Variants in HDAC9 observed in about 807,000 individuals in gnomAD.
HDAC9 encodes the protein MEF-2 interacting transcription repressor (MITR) protein.
HDAC9 carries 41 observed loss-of-function variants against 139.4 expected under a neutral mutation model. The ratio of observed to expected loss-of-function variants is 0.29; its 90% CI spans 0.23 to 0.38. The LOEUF (loss-of-function observed/expected upper bound fraction) is 0.38. HDAC9 is among the 10% of genes least tolerant of loss of function. The pLI, the probability that HDAC9 is intolerant of heterozygous loss-of-function variation, is 1.00. For missense variants in HDAC9, 1,147 were observed against 1,297.0 expected, an observed-to-expected ratio of 0.88 and a Z score of 1.78; for synonymous variants, 517 against 476.2, an observed-to-expected ratio of 1.09 and a Z score of -1.12.
chr7:18,907,135 C>G (rs569743984), intron 22 of HDAC9: 1 of 152,126 alleles, frequency 6.6e-6, no homozygotes. Context: ...CAAATGATCT[C>G]GAGGGTAGGA....
At chr7:18,508,290 T>C (rs1392871502) in intron 2 of HDAC9, among the ~76,000 whole-genome samples, 1 of 152,158 alleles carries the variant, frequency 6.6e-6, no homozygotes, top group African/African-American at 2.4e-5. Context: ...GGTATCTTTC[T>C]AAAAAAAGTA....
chr7:18,928,009 A>G (rs958097122), intron 22 of HDAC9, among the ~76,000 whole-genome samples: 1 of 152,222 alleles, frequency 6.6e-6, no homozygotes, highest in Non-Finnish European at 1.5e-5. Flanking sequence ...TGACTTATCC[A>G]ATAGATCACA....
chr7:18,898,774 C>A (rs1172240273), intron 22 of HDAC9, among the ~76,000 whole-genome samples: 2 of 151,792 alleles, frequency 1.3e-5, no homozygotes, highest in Admixed American at 1.3e-4. Context: ...ATTGGTGTGA[C>A]AAGGAAGACT....
chr7:18,308,817 C>T (rs1307091183), intron 1 of HDAC9, among the ~76,000 whole-genome samples: 1 of 152,194 alleles, frequency 6.6e-6, no homozygotes, highest in South Asian at 2.1e-4. Context: ...TCTGGGGATT[C>T]GTATGAGTTT....
intron 2 of HDAC9, among the ~76,000 whole-genome samples, chr7:18,543,982 A>G (rs2128628756): frequency 1.3e-5 from 2 of 152,296 alleles, no homozygotes; most frequent in South Asian, 4.1e-4. Context: ...GCTGTATGAT[A>G]AAGTCCTGAG....
intron 12 of HDAC9, among the ~76,000 whole-genome samples, chr7:18,693,935 A>G (rs931519047): frequency 9.9e-5 from 15 of 152,178 alleles, no homozygotes; most frequent in African/African-American, 3.1e-4. Context: ...AGAGAATGAA[A>G]TTGAGGGTAG....
rs1020804140 is a variant in HDAC9, at chr7:18,424,890, G to A, written c.-41-71372G>A. 9.2e-5 allele frequency among the ~76,000 whole-genome samples: 14 copies of A among 152,042 alleles called. No homozygotes were observed. The South Asian group carries it at 1.0e-3, about 11-fold the overall frequency. On this transcript the variant is annotated intron_variant, in intron 1 of 3. Transcript: ENST00000413509. ...TGCACTCCAGCCTGGGCAACAGAGCGAGACTATATCTCAATTAAATAATAA... is the reference window on the plus strand; with the variant it reads ...TGCACTCCAGCCTGGGCAACAGAGCAAGACTATATCTCAATTAAATAATAA...
intron 1 of HDAC9, among the ~76,000 whole-genome samples, chr7:18,474,196 C>A (rs1269567321): frequency 2.0e-5 from 3 of 151,910 alleles, no homozygotes; most frequent in African/African-American, 7.3e-5. Context: ...CATTTAAAAA[C>A]AACAATGTGG....
chr7:18,448,235 G>A (rs1323875757), intron 1 of HDAC9, among the ~76,000 whole-genome samples: 2 of 152,132 alleles, frequency 1.3e-5, no homozygotes, highest in Admixed American at 1.3e-4. Flanking sequence ...ACTCTTATGT[G>A]GGAAACACAT....
chr7:18,805,581 G>T (rs1359039612), intron 17 of HDAC9, among the ~76,000 whole-genome samples: 1 of 152,210 alleles, frequency 6.6e-6, no homozygotes, highest in East Asian at 1.9e-4. Flanking sequence ...ACCAACAATG[G>T]TTGCCTGCAA....
chr7:18,503,134 A>G (rs1798832367), intron 2 of HDAC9, among the ~76,000 whole-genome samples: 2 of 152,214 alleles, frequency 1.3e-5, no homozygotes, highest in Non-Finnish European at 2.9e-5. Flanking sequence ...GACTTTAGAA[A>G]AGAAGCTTTC....
intron 2 of HDAC9, among the ~76,000 whole-genome samples, chr7:18,547,893 C>G (rs1453113984): frequency 1.5e-5 from 2 of 136,726 alleles, no homozygotes; most frequent in African/African-American, 5.4e-5. Context: ...CTCTCCCTCT[C>G]TCCCTCTCTC....
At chr7:18,344,102 A>G (rs1782219823) in intron 1 of HDAC9, among the ~76,000 whole-genome samples, 1 of 151,978 alleles carries the variant, frequency 6.6e-6, no homozygotes, top group South Asian at 2.1e-4. Flanking sequence ...GGCCTTTGAC[A>G]GAAAATATTC....
At chr7:18,962,839 C>T (rs1465496799) in intron 24 of HDAC9, among the ~76,000 whole-genome samples, 1 of 152,172 alleles carries the variant, frequency 6.6e-6, no homozygotes, top group African/African-American at 2.4e-5. Context: ...GTTCTTTCCT[C>T]ATTTTGTTCA....
chr7:18,898,468 G>T (rs1470326402), intron 22 of HDAC9, among the ~76,000 whole-genome samples: 1 of 151,898 alleles, frequency 6.6e-6, no homozygotes, highest in African/African-American at 2.4e-5. Flanking sequence ...AATAGTGTTT[G>T]AGGTATGTGA....
chr7:18,458,862 C>T (rs1793585298), intron 1 of HDAC9: 2 of 1,534,758 alleles, frequency 1.3e-6, no homozygotes, highest in African/African-American at 1.4e-5. Flanking sequence ...GAACCTTGTA[C>T]CATGGGTGCT....
chr7:18,854,689 G>T (rs760463957), intron 21 of HDAC9, among the ~76,000 whole-genome samples: 1 of 151,802 alleles, frequency 6.6e-6, no homozygotes, highest in Non-Finnish European at 1.5e-5. Flanking sequence ...ATAGAGAAAA[G>T]TATAAAAAGT....
At chr7:18,555,418 G>T (rs1320422448) in intron 2 of HDAC9, among the ~76,000 whole-genome samples, 1 of 152,158 alleles carries the variant, frequency 6.6e-6, no homozygotes, top group Non-Finnish European at 1.5e-5. Context: ...AATTCTAATG[G>T]ATAATTTTGG....
chr7:18,596,738 C>G (rs1451096612), intron 6 of HDAC9, among the ~76,000 whole-genome samples: 1 of 152,070 alleles, frequency 6.6e-6, no homozygotes, highest in Non-Finnish European at 1.5e-5. Context: ...CCTCTCTTGT[C>G]TGCTTGGATT....
Sources: allele counts gnomAD v4.1 joint callset (sites outside exome capture counted in the v4.1 genomes callset), GRCh38; gene constraint gnomAD v4.1.1; transcripts MANE v1.5; gene names NCBI Gene and HGNC (gene_info 2026-07-23, HGNC 2026-07-21).